Variants in DCBLD1 observed in about 807,000 individuals in gnomAD.
The protein encoded by DCBLD1 is discoidin, CUB and LCCL domain-containing protein 1.
DCBLD1 carries 57 observed loss-of-function variants against 71.5 expected under a neutral mutation model. The ratio of observed to expected loss-of-function variants is 0.80; its 90% CI spans 0.64 to 0.99. DCBLD1 has a LOEUF of 0.99. DCBLD1 is among the 50% of genes least tolerant of loss of function. The pLI, the probability that DCBLD1 is intolerant of heterozygous loss-of-function variation, is 0.00. For synonymous variants in DCBLD1, 380 were observed against 363.8 expected (o/e 1.04, Z -0.51); for missense variants, 891 against 923.5 (o/e 0.96, Z 0.46).
chr6:117,566,875 C>T lies in DCBLD1; in HGVS notation c.1616-2745C>T, dbSNP rs139991029. On this transcript the variant is annotated intron_variant, in intron 14 of 14. Coordinates refer to the DCBLD1 transcript ENST00000296955. ...TTACCTTGTAATACTTTGATTTCCCCACTTGTGTCTTTGCAACTAGCACCA... is the reference window on the plus strand; with the variant it reads ...TTACCTTGTAATACTTTGATTTCCCTACTTGTGTCTTTGCAACTAGCACCA... 2.3e-5 allele frequency: 36 copies of T among 1,580,808 alleles called. No homozygotes were observed. In the African/African-American group the frequency reaches 4.7e-4, roughly 21 times the overall value.
chr6:117,538,882 T>G, intron 8 of DCBLD1, 47 bp downstream of exon 8: 1 of 1,557,354 alleles, frequency 6.4e-7, no homozygotes. Context: ...GTTTCATGAC[T>G]GTAAATGACT....
At chr6:117,499,500 C>T (rs1777582034) in intron 1 of DCBLD1, among the ~76,000 whole-genome samples, 1 of 152,104 alleles carries the variant, frequency 6.6e-6, no homozygotes, top group African/African-American at 2.4e-5. Context: ...AAAGCCTCCT[C>T]ACTTCCATCC....
intron 5 of DCBLD1, among the ~76,000 whole-genome samples, chr6:117,531,737 T>A (rs1778727112): frequency 6.6e-6 from 1 of 152,256 alleles, no homozygotes; most frequent in Admixed American, 6.5e-5. Flanking sequence ...GATAAATCTC[T>A]AATTTAAAAA....
At chr6:117,516,650 C>G in intron 2 of DCBLD1, among the ~76,000 whole-genome samples, 1 of 152,104 alleles carries the variant, frequency 6.6e-6, no homozygotes, top group East Asian at 1.9e-4. Context: ...CATTTTCATG[C>G]TGCTGATAAG....
Position 117,548,582 on chromosome 6 carries a change from C to T in DCBLD1, c.*143C>T. On this transcript the variant is annotated 3_prime_UTR_variant, in exon 15 of 15. Transcript: ENST00000338728. The stretch of plus-strand genomic sequence containing the variant: ...TGTGTGTGTGTGATCCAGTAGGATC[C>T]TAGAGACAACCTGTCATACTGTTTA... 2.1e-6 allele frequency: 3 copies of T among 1,455,466 alleles called. No individual in the cohort carries two copies. The highest frequency in any genetic ancestry group is 1.8e-6 in the Non-Finnish European group (2 of 1,108,986). The allele number at this position is 1,455,466 out of a possible 1,614,324, so 90.2% of individuals were successfully genotyped here.
chr6:117,530,567 C>T (rs1778682877), intron 5 of DCBLD1, among the ~76,000 whole-genome samples: 1 of 152,144 alleles, frequency 6.6e-6, no homozygotes, highest in African/African-American at 2.4e-5. Context: ...GCTTGGGGAC[C>T]CATGCACTAG....
At chr6:117,515,454 T>A (rs1778163517) in intron 2 of DCBLD1, among the ~76,000 whole-genome samples, 1 of 152,350 alleles carries the variant, frequency 6.6e-6, no homozygotes, top group South Asian at 2.1e-4. Context: ...TATTCTAACT[T>A]ATTAAAAGCA....
chr6:117,492,747 C>T (rs552833694), intron 1 of DCBLD1, among the ~76,000 whole-genome samples: 1 of 152,276 alleles, frequency 6.6e-6, no homozygotes, highest in East Asian at 1.9e-4. Context: ...TATTTTTTCT[C>T]TCAACTCTCA....
chr6:117,567,724 T>A (rs184701384), intron 14 of DCBLD1, among the ~76,000 whole-genome samples: 120 of 152,162 alleles, frequency 7.9e-4, no homozygotes, highest in African/African-American at 2.8e-3. Context: ...CTCTTTTACA[T>A]GAACGAGAAA....
At chr6:117,502,183 C>A (rs148587911) in intron 1 of DCBLD1, among the ~76,000 whole-genome samples, 2 of 152,194 alleles carry the variant, frequency 1.3e-5, no homozygotes, top group Admixed American at 1.3e-4. Flanking sequence ...TCTTCCTACT[C>A]AAAAAATTCT....
chr6:117,569,718 C>T (rs1165455084), exon 15 of DCBLD1: 1 of 1,596,528 alleles, frequency 6.3e-7, no homozygotes, highest in South Asian at 1.1e-5. Flanking sequence ...AGGATTGGAA[C>T]ACCATGTTCT....
chr6:117,511,720 G>A (rs1330051125), intron 2 of DCBLD1, among the ~76,000 whole-genome samples: 1 of 152,088 alleles, frequency 6.6e-6, no homozygotes, highest in Non-Finnish European at 1.5e-5. Context: ...TCCCAAAGAG[G>A]GGAAAGCGCA....
At chr6:117,492,208 T>C (rs1373950776) in intron 1 of DCBLD1, among the ~76,000 whole-genome samples, 1 of 152,254 alleles carries the variant, frequency 6.6e-6, no homozygotes, top group Non-Finnish European at 1.5e-5. Context: ...TTGTTGCTTG[T>C]CCAGTCTGAT....
At chr6:117,490,124 C>CA (rs1777240151) in intron 1 of DCBLD1, among the ~76,000 whole-genome samples, 2 of 146,844 alleles carry the variant, frequency 1.4e-5, no homozygotes, top group South Asian at 2.2e-4. Flanking sequence ...CACACACACA[C>CA]CCCTATAGCA....
intron 2 of DCBLD1, among the ~76,000 whole-genome samples, chr6:117,512,753 C>T (rs1778065922): frequency 6.6e-6 from 1 of 152,084 alleles, no homozygotes; most frequent in African/African-American, 2.4e-5. Context: ...GATGATGCTC[C>T]AGAAGGTTAA....
At chr6:117,562,111 C>A (rs1779595566) in intron 14 of DCBLD1, 1 of 206,462 alleles carries the variant, frequency 4.8e-6, no homozygotes, top group South Asian at 1.9e-4. Flanking sequence ...AATATTAAAT[C>A]AGAGAGGAGG....
In DCBLD1 at chr6:117,482,790, C is replaced by T. The variant is rs1776934475; in HGVS notation, c.9C>T (p.Pro3=). The change falls in exon 1 of 15, where the codon CCC becomes CCT. Residue 3 remains proline, a synonymous_variant. Transcript: ENST00000338728. MV[P]GARGGGALAR... is the part of the protein sequence containing the mutation. Reference sequence around the variant, plus strand: ...TGGCGCCCAGCGGGGTCATGGTGCCCGGCGCCCGCGGCGGCGGCGCACTGG... The same window carrying T: ...TGGCGCCCAGCGGGGTCATGGTGCCTGGCGCCCGCGGCGGCGGCGCACTGG... The T allele has an allele frequency of 8.8e-6, 10 of 1,142,812 alleles. No individual in the cohort carries two copies. The highest frequency in any genetic ancestry group is 1.1e-5 in the Non-Finnish European group (10 of 931,460). The allele number at this position is 1,142,812 out of a possible 1,614,324, so 70.8% of individuals were successfully genotyped here. A position where few individuals can be genotyped will look rare whatever the true frequency, so the allele number is the denominator to read the frequency against.
intron 13 of DCBLD1, among the ~76,000 whole-genome samples, chr6:117,545,077 A>G (rs1310694039): frequency 6.6e-6 from 1 of 151,154 alleles, no homozygotes; most frequent in African/African-American, 2.4e-5. Context: ...CCAGAGAGAG[A>G]GGGCAGTGGG....
chr6:117,524,362 G>A (rs953002854), intron 4 of DCBLD1, among the ~76,000 whole-genome samples: 31 of 151,742 alleles, frequency 2.0e-4, no homozygotes, highest in Admixed American at 1.7e-3. Context: ...CCACCACACC[G>A]GGCTAATTTT....
Sources: allele counts gnomAD v4.1 joint callset (sites outside exome capture counted in the v4.1 genomes callset), GRCh38; gene constraint gnomAD v4.1.1; transcripts MANE v1.5; gene names NCBI Gene and HGNC (gene_info 2026-07-23, HGNC 2026-07-21).